R3HDM1: variants seen among roughly 807,000 people sequenced by gnomAD.
R3HDM1 encodes the protein R3H domain containing 1.
Under a neutral mutation model 141.1 loss-of-function variants are expected in R3HDM1, and 46 were observed. That is an observed-to-expected ratio of 0.33 (90% CI 0.26 to 0.42). The LOEUF (loss-of-function observed/expected upper bound fraction) is 0.42. Ranked by LOEUF, R3HDM1 falls within the 10% of genes least tolerant of loss-of-function variation. The pLI is 1.00. For synonymous variants in R3HDM1, 435 were observed against 472.9 expected, an observed-to-expected ratio of 0.92 and a Z score of 1.04; for missense variants, 1,184 against 1,368.3, an observed-to-expected ratio of 0.87 and a Z score of 2.12.
intron 1 of R3HDM1, chr2:135,584,292 C>A (rs1483204630): frequency 2.8e-6 from 2 of 723,402 alleles, no homozygotes; most frequent in Non-Finnish European, 3.4e-6. Flanking sequence ...TGTGCCACTG[C>A]TCTCCAGCCT....
At chr2:135,679,456 G>A (rs1023687827) in intron 20 of R3HDM1, among the ~76,000 whole-genome samples, 1 of 152,128 alleles carries the variant, frequency 6.6e-6, no homozygotes, top group Admixed American at 6.5e-5. Context: ...CACTTAGATA[G>A]ATGGCTGATA....
intron 1 of R3HDM1, chr2:135,577,011 A>G (rs1705593160): frequency 1.4e-6 from 1 of 711,086 alleles, no homozygotes; most frequent in Non-Finnish European, 1.7e-6. Flanking sequence ...TGTATGCTAT[A>G]TAAATTATAT....
At position 135,715,617 on chromosome 2, in the gene R3HDM1, C is replaced by G. The variant is rs1361187447; in HGVS notation, c.2804C>G (p.Thr935Ser). 16 of 1,614,098 alleles carry G rather than the reference C, an allele frequency of 9.9e-6. No individual in the cohort carries two copies. Among genetic ancestry groups the G allele is most frequent in the Non-Finnish European group, 1.0e-5 (12 of 1,179,952 alleles). Residue 935 changes from threonine to serine, a missense_variant, in exon 24 of 27, where the codon ACC (threonine) becomes AGC (serine). Thr to Ser is a moderately conservative substitution (Grantham distance 58). Coordinates refer to ENST00000683871, the MANE Select transcript of R3HDM1 (RefSeq NM_001378107.1). ...AQSPAPAQLS[T>S]LKTVRPSGPP... ...TCGCCAGCACCAGCTCAGCTGTCCA[C>G]CCTGAAAACTGTACGTCCCTCTGGA...
intron 1 of R3HDM1, among the ~76,000 whole-genome samples, chr2:135,545,005 T>TA (rs1698393179): frequency 6.6e-6 from 1 of 152,204 alleles, no homozygotes; most frequent in South Asian, 2.1e-4. Context: ...TTTTCCCTGT[T>TA]AAAATTAATA....
chr2:135,694,549 A>G (rs530384284), intron 21 of R3HDM1, among the ~76,000 whole-genome samples: 35 of 152,338 alleles, frequency 2.3e-4, no homozygotes, highest in Admixed American at 1.5e-3. Context: ...GTTTCTAGAT[A>G]TTGGACATGG....
chr2:135,657,533 T>C (rs1233218767), intron 18 of R3HDM1, among the ~76,000 whole-genome samples: 1 of 152,208 alleles, frequency 6.6e-6, no homozygotes, highest in Non-Finnish European at 1.5e-5. Context: ...TCTATGTTAA[T>C]GCTTCAAAGA....
At chr2:135,709,325 G>A (rs2075345496) in intron 21 of R3HDM1, 108 bp from the exon 22 acceptor site, 2 of 1,453,260 alleles carry the variant, frequency 1.4e-6, no homozygotes, top group Admixed American at 2.2e-5. Context: ...CGCCCGCCTT[G>A]GCCTCCCAAA....
chr2:135,570,065 T>G (rs1461097723), intron 1 of R3HDM1, among the ~76,000 whole-genome samples: 1 of 152,254 alleles, frequency 6.6e-6, no homozygotes, highest in Admixed American at 6.5e-5. Flanking sequence ...ATCCATTTGT[T>G]GTTTTCATTC....
At chr2:135,723,493 C>T (rs185878618) in intron 26 of R3HDM1, among the ~76,000 whole-genome samples, 29 of 151,696 alleles carry the variant, frequency 1.9e-4, no homozygotes, top group South Asian at 4.2e-4. Flanking sequence ...TGTCCCTGGC[C>T]GGATGCAGTG....
intron 18 of R3HDM1, among the ~76,000 whole-genome samples, chr2:135,654,571 C>G (rs1169449891): frequency 2.6e-5 from 4 of 152,080 alleles, no homozygotes; most frequent in Non-Finnish European, 5.9e-5. Flanking sequence ...GCCTCAGCCC[C>G]CCGAGTAGCT....
At chr2:135,587,188 C>T (rs1341008193) in intron 1 of R3HDM1, among the ~76,000 whole-genome samples, 1 of 152,100 alleles carries the variant, frequency 6.6e-6, no homozygotes, top group Non-Finnish European at 1.5e-5. Context: ...TTGACATTTA[C>T]CTTGATACTT....
chr2:135,714,938 C>G (rs1676265928), intron 23 of R3HDM1, among the ~76,000 whole-genome samples: 1 of 152,178 alleles, frequency 6.6e-6, no homozygotes, highest in Admixed American at 6.5e-5. Flanking sequence ...TGTATGTATT[C>G]TCTCATGCAA....
chr2:135,635,434 GT>G (rs1433475415), intron 9 of R3HDM1, among the ~76,000 whole-genome samples: 2 of 152,104 alleles, frequency 1.3e-5, no homozygotes, highest in East Asian at 3.8e-4. Context: ...TTGAACCTCG[GT>G]TTGTTCAATA....
chr2:135,545,082 A>G (rs1698407637), intron 1 of R3HDM1, among the ~76,000 whole-genome samples: 1 of 152,250 alleles, frequency 6.6e-6, no homozygotes, highest in East Asian at 1.9e-4. Context: ...ACAAAGTTCT[A>G]AAAAATAAAT....
intron 3 of R3HDM1, among the ~76,000 whole-genome samples, chr2:135,611,994 T>C (rs984421026): frequency 3.3e-5 from 5 of 152,238 alleles, no homozygotes; most frequent in Non-Finnish European, 7.3e-5. Context: ...TTTGTGACTT[T>C]CTCCACATAC....
intron 19 of R3HDM1, among the ~76,000 whole-genome samples, chr2:135,671,430 C>T (rs1574901271): frequency 6.6e-6 from 1 of 151,884 alleles, no homozygotes; most frequent in Non-Finnish European, 1.5e-5. Context: ...AGTGCAATGG[C>T]GCGATCTCAG....
At chr2:135,557,897 A>C (rs1055993878) in intron 1 of R3HDM1, among the ~76,000 whole-genome samples, 1 of 152,192 alleles carries the variant, frequency 6.6e-6, no homozygotes, top group Non-Finnish European at 1.5e-5. Flanking sequence ...TACATTGAAC[A>C]AAAAACATGG....
intron 1 of R3HDM1, among the ~76,000 whole-genome samples, chr2:135,556,769 C>T (rs1292627464): frequency 2.0e-5 from 3 of 152,002 alleles, no homozygotes; most frequent in African/African-American, 7.2e-5. Flanking sequence ...CTGCCCGCCT[C>T]GGCCTCCCAA....
chr2:135,639,230 C>G, intron 14 of R3HDM1, 108 bp downstream of exon 14: 1 of 1,096,964 alleles, frequency 9.1e-7, no homozygotes, highest in Non-Finnish European at 1.3e-6. Flanking sequence ...TATAAAATCA[C>G]TATCAATAGT....
Sources: allele counts gnomAD v4.1 joint callset (sites outside exome capture counted in the v4.1 genomes callset), GRCh38; gene constraint gnomAD v4.1.1; transcripts MANE v1.5; gene names NCBI Gene and HGNC (gene_info 2026-07-23, HGNC 2026-07-21).